Variants in NCAM1 observed in about 807,000 individuals in gnomAD.
NCAM1 encodes neural cell adhesion molecule 1.
In NCAM1, 14 loss-of-function variants were observed where a neutral mutation model predicts 109.8. The observed-to-expected ratio is 0.13, with a 90% CI of 0.08 to 0.20. The LOEUF is 0.20. NCAM1 is among the 10% of genes least tolerant of loss of function. NCAM1 has a pLI of 1.00. For synonymous variants in NCAM1, 418 were observed against 442.9 expected, an observed-to-expected ratio of 0.94 and a Z score of 0.70; for missense variants, 774 against 1,109.9, an observed-to-expected ratio of 0.70 and a Z score of 4.30.
chr11:113,149,268 G>A (rs990014926), intron 1 of NCAM1, among the ~76,000 whole-genome samples: 1 of 152,154 alleles, frequency 6.6e-6, no homozygotes, highest in Non-Finnish European at 1.5e-5. Flanking sequence ...TTTCTGATGT[G>A]ATGGGCATGT....
chr11:112,969,100 G>A lies in NCAM1; in HGVS notation c.52+7436G>A, dbSNP rs1178333800. ...AATTAATTCTGCCTGGGACTCCCTCGAGCTGGGCTTGGGGAAGAATTGCTT... is the reference window on the plus strand; with the variant it reads ...AATTAATTCTGCCTGGGACTCCCTCAAGCTGGGCTTGGGGAAGAATTGCTT... On this transcript the variant is annotated intron_variant, in intron 1 of 19. Transcript: ENST00000316851. Among the ~76,000 whole-genome samples, 5 of 152,138 alleles carry A rather than the reference G, an allele frequency of 3.3e-5. No homozygotes were observed. In the East Asian group the frequency reaches 7.7e-4, roughly 24 times the overall value.
At chr11:113,119,301 T>C (rs782207415) in intron 1 of NCAM1, among the ~76,000 whole-genome samples, 51 of 152,184 alleles carry the variant, frequency 3.4e-4, no homozygotes, top group Admixed American at 2.6e-4. Flanking sequence ...GCAGAACTAC[T>C]GTCTGGAACA....
chr11:113,167,554 A>G (rs1186286243), intron 1 of NCAM1, among the ~76,000 whole-genome samples: 1 of 151,286 alleles, frequency 6.6e-6, no homozygotes, highest in Non-Finnish European at 1.5e-5. Context: ...AAAAAAAAAA[A>G]ATCACCAAAC....
chr11:113,133,952 T>C (rs2136141806), intron 1 of NCAM1: 1 of 152,180 alleles, frequency 6.6e-6, no homozygotes, highest in South Asian at 2.1e-4. Context: ...CCACCTACCA[T>C]ATATTCTTTT....
chr11:113,272,020 C>T (rs1363070888), intron 19 of NCAM1, 144 bp downstream of exon 19: 4 of 586,526 alleles, frequency 6.8e-6, no homozygotes. Context: ...GCCACAAGAC[C>T]TGCTTGGCTG....
At chr11:113,251,172 T>A (rs1945667493) in intron 15 of NCAM1, among the ~76,000 whole-genome samples, 1 of 152,234 alleles carries the variant, frequency 6.6e-6, no homozygotes, top group African/African-American at 2.4e-5. Context: ...AGCTAACTCT[T>A]GGTGCTCGGG....
In NCAM1 at chr11:113,277,574, GTTC is replaced by G; in HGVS notation, c.*2191_*2193del. ...GTCACCAGGCTGTTCAGTGGACTCA[GTTC>G]TTCATCTTGTAATGTCGATGGCTTT... On this transcript the variant is annotated 3_prime_UTR_variant, in exon 20 of 20. Coordinates refer to ENST00000316851, the MANE Select transcript of NCAM1 (RefSeq NM_181351.5). 1 of 397,232 alleles carries G rather than the reference GTTC, an allele frequency of 2.5e-6. No individual in the cohort carries two copies. The highest frequency in any genetic ancestry group is 4.4e-6 in the Non-Finnish European group (1 of 225,736). The allele number at this position is 397,232 out of a possible 1,614,324, so 24.6% of individuals were successfully genotyped here. A position where few individuals can be genotyped will look rare whatever the true frequency, so the allele number is the denominator to read the frequency against.
chr11:113,147,985 A>T lies in NCAM1; in HGVS notation c.53-54394A>T, dbSNP rs138663832. Among the ~76,000 whole-genome samples, 49 of 152,330 alleles carry T rather than the reference A, an allele frequency of 3.2e-4. 1 individual carries two copies. Among genetic ancestry groups the T allele is most frequent in the African/African-American group, 1.2e-3 (49 of 41,580 alleles). On this transcript the variant is annotated intron_variant, in intron 1 of 19. Transcript: ENST00000316851. Reference sequence around the variant, plus strand: ...AGTTTTATAAAATACTATGTGTGAAAACACTTTAAAAATGGGTGAATGCTC... The same window carrying T: ...AGTTTTATAAAATACTATGTGTGAATACACTTTAAAAATGGGTGAATGCTC...
intron 1 of NCAM1, among the ~76,000 whole-genome samples, chr11:113,037,947 C>T (rs1341339406): frequency 1.3e-5 from 2 of 152,084 alleles, no homozygotes; most frequent in African/African-American, 4.8e-5. Flanking sequence ...TTGTCTGGCC[C>T]AGCCTCCAAG....
intron 15 of NCAM1, among the ~76,000 whole-genome samples, 192 bp from the exon 16 acceptor site, chr11:113,255,685 G>A (rs1037093025): frequency 6.6e-6 from 1 of 151,054 alleles, no homozygotes. Context: ...TTCCCAAGAG[G>A]CACTCTCAGT....
At chr11:113,111,624 T>C (rs1555093727) in intron 1 of NCAM1, among the ~76,000 whole-genome samples, 1 of 152,148 alleles carries the variant, frequency 6.6e-6, no homozygotes, top group African/African-American at 2.4e-5. Context: ...AAACTCAGGA[T>C]TGTATACAAA....
At chr11:113,047,018 T>A (rs1282216422) in intron 1 of NCAM1, among the ~76,000 whole-genome samples, 1 of 152,218 alleles carries the variant, frequency 6.6e-6, no homozygotes, top group African/African-American at 2.4e-5. Context: ...AAGCTTTGTA[T>A]GTGTTAGGCT....
intron 1 of NCAM1, among the ~76,000 whole-genome samples, chr11:113,028,199 CA>C (rs1165705491): frequency 1.3e-5 from 2 of 151,984 alleles, no homozygotes; most frequent in African/African-American, 4.8e-5. Context: ...GTTATGACCA[CA>C]AAAAAATAAA....
intron 17 of NCAM1, chr11:113,264,346 G>A (rs889147507): frequency 4.2e-5 from 41 of 985,310 alleles, no homozygotes; most frequent in African/African-American, 1.0e-4. Context: ...CTATGTTGGC[G>A]CTCGCCATTA....
chr11:113,061,408 A>G (rs782790343), intron 1 of NCAM1, among the ~76,000 whole-genome samples: 1 of 152,222 alleles, frequency 6.6e-6, no homozygotes, highest in Non-Finnish European at 1.5e-5. Flanking sequence ...TGCCTCCCAG[A>G]CCTGTGTTTT....
At chr11:113,227,646 C>T (rs1436258437) in intron 9 of NCAM1, among the ~76,000 whole-genome samples, 1 of 152,172 alleles carries the variant, frequency 6.6e-6, no homozygotes, top group East Asian at 1.9e-4. Flanking sequence ...GAATTTTAGA[C>T]CAATATCCCT....
intron 1 of NCAM1, among the ~76,000 whole-genome samples, chr11:112,980,853 A>AT (rs1555068626): frequency 1.3e-5 from 2 of 152,020 alleles, no homozygotes; most frequent in Admixed American, 1.3e-4. Flanking sequence ...AATAGCTAAA[A>AT]TAATTTTATT....
At chr11:113,150,122 A>G (rs781918576) in intron 1 of NCAM1, among the ~76,000 whole-genome samples, 1 of 152,258 alleles carries the variant, frequency 6.6e-6, no homozygotes, top group Non-Finnish European at 1.5e-5. Context: ...AAAATAAAAA[A>G]ATAAATAAAC....
At chr11:113,065,808 T>A (rs1311395096) in intron 1 of NCAM1, among the ~76,000 whole-genome samples, 2 of 152,170 alleles carry the variant, frequency 1.3e-5, no homozygotes, top group Non-Finnish European at 2.9e-5. Flanking sequence ...TGGTAGTGAA[T>A]AAAAGGAAAT....
Sources: gnomAD v4.1 joint callset for allele counts (sites outside exome capture counted in the v4.1 genomes callset) on GRCh38, gnomAD v4.1.1 for gene constraint, MANE v1.5 for transcripts, NCBI Gene and HGNC (gene_info 2026-07-23, HGNC 2026-07-21) for gene names.